The following LYRM4 variants were observed in gnomAD, a reference collection of about 807,000 sequenced individuals.
LYRM4 encodes the protein LYR motif containing 4.
A neutral mutation model predicts 11.7 loss-of-function variants in LYRM4; 9 were observed. That is an observed-to-expected ratio of 0.77 (90% confidence interval 0.46 to 1.34). LYRM4 has a LOEUF of 1.34. Ranked by LOEUF, LYRM4 falls within the 40% of genes most tolerant of loss-of-function variation. The pLI is 0.00. For synonymous variants in LYRM4, 42 were observed against 40.4 expected, an observed-to-expected ratio of 1.04 and a Z score of -0.15; for missense variants, 133 against 112.5, an observed-to-expected ratio of 1.18 and a Z score of -0.82.
intron 2 of LYRM4, chr6:5,136,916 G>A: frequency 2.6e-6 from 2 of 773,190 alleles, no homozygotes; most frequent in South Asian, 1.2e-4. Flanking sequence ...ATTCACAGTT[G>A]TGCATCCATT....
At chr6:5,153,859 GCAAA>G (rs1335334871) in intron 2 of LYRM4, among the ~76,000 whole-genome samples, 6 of 152,112 alleles carry the variant, frequency 3.9e-5, no homozygotes, top group South Asian at 2.1e-4. Context: ...TTTTAAAACA[GCAAA>G]CAGAGAGCCC....
intron 2 of LYRM4, among the ~76,000 whole-genome samples, chr6:5,128,681 C>T (rs1763805761): frequency 1.3e-5 from 2 of 152,212 alleles, no homozygotes; most frequent in East Asian, 3.8e-4. Flanking sequence ...GTCTCTTGAA[C>T]CCTCTTACTG....
At chr6:5,258,958 C>T (rs1764807280) in intron 1 of LYRM4, among the ~76,000 whole-genome samples, 1 of 152,166 alleles carries the variant, frequency 6.6e-6, no homozygotes, top group African/African-American at 2.4e-5. Context: ...AACGCTTGGG[C>T]CTCATTTGCT....
chr6:5,075,044 C>T, the LYRM4 span, among the ~76,000 whole-genome samples: 1 of 152,002 alleles, frequency 6.6e-6, no homozygotes, highest in East Asian at 1.9e-4. Context: ...CTCCCCCCAC[C>T]CTTGCTCCCT....
intron 1 of LYRM4, among the ~76,000 whole-genome samples, chr6:5,232,848 T>A (rs1763320937): frequency 6.6e-6 from 1 of 152,226 alleles, no homozygotes; most frequent in African/African-American, 2.4e-5. Flanking sequence ...TGTAATTCCA[T>A]GATACAATAA....
At chr6:5,095,017 G>A in the LYRM4 span, among the ~76,000 whole-genome samples, 2 of 152,118 alleles carry the variant, frequency 1.3e-5, no homozygotes, top group Non-Finnish European at 2.9e-5. Context: ...ATAATCGTTC[G>A]AGATGATGGA....
At chr6:5,218,229 A>C (rs927208548) in intron 1 of LYRM4, 4 of 983,850 alleles carry the variant, frequency 4.1e-6, no homozygotes, top group Admixed American at 6.1e-5. Flanking sequence ...TAATGATCAC[A>C]GACTGCTCTG....
chr6:5,203,718 C>T (rs12190412), intron 2 of LYRM4, among the ~76,000 whole-genome samples: 53,964 of 152,040 alleles, frequency 0.35, 10,466 homozygotes, highest in East Asian at 0.55. Flanking sequence ...GGAAGTCAGA[C>T]GTGTATTATA....
the LYRM4 span, chr6:5,033,078 CCTCCCCCA>C: frequency 6.6e-6 from 1 of 152,332 alleles, no homozygotes; most frequent in Non-Finnish European, 1.5e-5. Flanking sequence ...CCCACCTTCC[CCTCCCCCA>C]CTCCCGTGGC....
intron 2 of LYRM4, among the ~76,000 whole-genome samples, chr6:5,166,883 C>T (rs146834503): frequency 4.1e-4 from 62 of 152,280 alleles, no homozygotes; most frequent in East Asian, 7.7e-4. Flanking sequence ...ACAAACAACA[C>T]GTATATACAC....
At chr6:5,170,108 TG>T (rs1759335969) in intron 2 of LYRM4, among the ~76,000 whole-genome samples, 1 of 152,188 alleles carries the variant, frequency 6.6e-6, no homozygotes, top group African/African-American at 2.4e-5. Flanking sequence ...GGTTGAAGGC[TG>T]AAGAGGTTAT....
At chr6:5,128,516 A>G (rs1010669847) in intron 2 of LYRM4, among the ~76,000 whole-genome samples, 6 of 152,236 alleles carry the variant, frequency 3.9e-5, no homozygotes, top group Non-Finnish European at 5.9e-5. Context: ...GATGGCAGAT[A>G]AAAAGGAGCC....
chr6:5,237,766 A>C (rs909821467), intron 1 of LYRM4, among the ~76,000 whole-genome samples: 3 of 152,152 alleles, frequency 2.0e-5, no homozygotes, highest in Admixed American at 6.5e-5. Flanking sequence ...TTACCTGCAA[A>C]ATGCTTTCCT....
chr6:5,066,056 C>T, the LYRM4 span: 3 of 396,624 alleles, frequency 7.6e-6, no homozygotes, highest in Middle Eastern at 7.7e-4. Flanking sequence ...GTTAAGTTCT[C>T]GGTAAATAAA....
intron 2 of LYRM4, among the ~76,000 whole-genome samples, chr6:5,153,129 G>A (rs1003365878): frequency 1.3e-5 from 2 of 152,098 alleles, no homozygotes; most frequent in Non-Finnish European, 2.9e-5. Flanking sequence ...AGAGGGTCTC[G>A]TTCTGTCGTT....
At chr6:5,258,540 T>C (rs1764787646) in intron 1 of LYRM4, among the ~76,000 whole-genome samples, 1 of 152,224 alleles carries the variant, frequency 6.6e-6, no homozygotes, top group Non-Finnish European at 1.5e-5. Context: ...GACAAACAGC[T>C]GCAGAGATTA....
At chr6:5,080,909 T>C in the LYRM4 span, among the ~76,000 whole-genome samples, 1 of 152,062 alleles carries the variant, frequency 6.6e-6, no homozygotes, top group African/African-American at 2.4e-5. Flanking sequence ...CCACTGCAAA[T>C]AGAGAAGAGA....
chr6:5,055,223 A>G, the LYRM4 span, among the ~76,000 whole-genome samples: 1 of 152,222 alleles, frequency 6.6e-6, no homozygotes, highest in Non-Finnish European at 1.5e-5. The surrounding 1 kb of genome is among the most constrained non-coding windows in gnomAD (Gnocchi z 4.5). Flanking sequence ...GTATTCATTT[A>G]TGTATTTCCC....
chr6:5,245,114 ATATATATATATATATATATAT>A lies in LYRM4; in HGVS notation c.86+15513_86+15533del, dbSNP rs1244043333. ...TAAAAAAAAAAAAAAAAAAAAAAAA[ATATATATATATATATATATAT>A]ATATATATATATATATATATATATA... On this transcript the variant is annotated intron_variant, in intron 1 of 2. Transcript: ENST00000330636. Among the ~76,000 whole-genome samples, 60 of 12,042 alleles carry A rather than the reference ATATATATATATATATATATAT, an allele frequency of 5.0e-3. 8 individuals carry two copies. The highest frequency in any genetic ancestry group is 0.017 in the African/African-American group (57 of 3,300). The allele number at this position is 12,042 out of a possible 152,430, so 7.9% of individuals were successfully genotyped here.
Sources: gnomAD v4.1 joint callset for allele counts (sites outside exome capture counted in the v4.1 genomes callset) on GRCh38, gnomAD v4.1.1 for gene constraint, Gnocchi (gnomAD v3.1) non-coding constraint, MANE v1.5 for transcripts, NCBI Gene and HGNC (gene_info 2026-07-23, HGNC 2026-07-21) for gene names.